The following PDGFD variants were observed in gnomAD, a reference collection of about 807,000 sequenced individuals.
PDGFD encodes the protein platelet-derived growth factor D.
PDGFD carries 30 observed loss-of-function variants against 44.7 expected under a neutral mutation model. The ratio of observed to expected loss-of-function variants is 0.67; its 90% CI spans 0.50 to 0.91. The LOEUF is 0.91. PDGFD is among the 40% of genes least tolerant of loss of function. The probability of loss-of-function intolerance (pLI) is 0.00; values close to 1 mark genes in which losing one functional copy is unlikely to be tolerated. For synonymous variants in PDGFD, 173 were observed against 168.4 expected, an observed-to-expected ratio of 1.03 and a Z score of -0.21; for missense variants, 445 against 457.8, an observed-to-expected ratio of 0.97 and a Z score of 0.25.
intron 1 of PDGFD, among the ~76,000 whole-genome samples, chr11:104,067,065 T>G (rs987447210): frequency 2.0e-5 from 3 of 152,204 alleles, no homozygotes; most frequent in African/African-American, 7.2e-5. Context: ...GTCATTCTTT[T>G]AGTTTTCTCC....
intron 1 of PDGFD, among the ~76,000 whole-genome samples, chr11:104,127,124 A>G (rs979062542): frequency 6.6e-6 from 1 of 152,162 alleles, no homozygotes; most frequent in African/African-American, 2.4e-5. Flanking sequence ...AAACAAAGGT[A>G]GAAAAACATC....
At chr11:103,991,113 T>C (rs55730836) in intron 3 of PDGFD, among the ~76,000 whole-genome samples, 1,716 of 150,846 alleles carry the variant, frequency 0.011, 28 homozygotes, top group African/African-American at 0.04. Flanking sequence ...CACTCCAGCC[T>C]AGGCGACAGA....
chr11:104,098,652 G>T (rs1364034973), intron 1 of PDGFD, among the ~76,000 whole-genome samples: 1 of 151,956 alleles, frequency 6.6e-6, no homozygotes, highest in African/African-American at 2.4e-5. Flanking sequence ...TGGACCACAG[G>T]TATGTGCTGC....
intron 1 of PDGFD, among the ~76,000 whole-genome samples, chr11:104,067,800 A>G (rs1860812799): frequency 6.6e-6 from 1 of 152,120 alleles, no homozygotes; most frequent in Non-Finnish European, 1.5e-5. Flanking sequence ...TTGATCAACT[A>G]AAAGATTCTG....
At chr11:104,037,207 G>A (rs1270231501) in intron 1 of PDGFD, 2 of 1,613,706 alleles carry the variant, frequency 1.2e-6, no homozygotes, top group South Asian at 1.1e-5. Flanking sequence ...ACAGGGCTTG[G>A]CGTCAGGAGA....
intron 1 of PDGFD, among the ~76,000 whole-genome samples, chr11:104,098,281 T>C (rs1195120893): frequency 6.6e-6 from 1 of 152,050 alleles, no homozygotes; most frequent in Non-Finnish European, 1.5e-5. Context: ...CCCCTACCTA[T>C]TTGCTGGGCT....
chr11:103,941,387 AC>A (rs1858581852), intron 5 of PDGFD, among the ~76,000 whole-genome samples: 1 of 152,120 alleles, frequency 6.6e-6, no homozygotes, highest in African/African-American at 2.4e-5. Flanking sequence ...TCCTAACTTT[AC>A]CAGGTTAGGG....
At chr11:103,911,630 T>C (rs192038605) in intron 6 of PDGFD, among the ~76,000 whole-genome samples, 6 of 152,130 alleles carry the variant, frequency 3.9e-5, no homozygotes, top group Admixed American at 3.9e-4. Flanking sequence ...AGAATGAGTT[T>C]GAGGAATTGA....
intron 6 of PDGFD, among the ~76,000 whole-genome samples, chr11:103,911,204 G>A (rs1001412564): frequency 2.6e-5 from 4 of 152,130 alleles, no homozygotes; most frequent in Admixed American, 6.5e-5. Flanking sequence ...AGAGAGCAGC[G>A]GATCTCCCAG....
intron 1 of PDGFD, among the ~76,000 whole-genome samples, chr11:104,062,495 T>C (rs913357952): frequency 1.3e-5 from 2 of 152,362 alleles, no homozygotes; most frequent in African/African-American, 4.8e-5. Context: ...AGTTTTGAAT[T>C]ACAAGTTTTT....
chr11:104,119,197 T>TATATTA (rs1565340655), intron 1 of PDGFD, among the ~76,000 whole-genome samples: 75 of 6,598 alleles, frequency 0.011, 13 homozygotes, highest in Admixed American at 0.021. Context: ...ATTGATATAA[T>TATATTA]ATATAATATA....
chr11:103,949,772 T>G (rs961977914), intron 3 of PDGFD, among the ~76,000 whole-genome samples: 3 of 152,290 alleles, frequency 2.0e-5, no homozygotes, highest in African/African-American at 7.2e-5. Flanking sequence ...CTACTCAGCA[T>G]GCCATGGAAG....
At chr11:103,917,565 T>C (rs1323116800) in intron 6 of PDGFD, among the ~76,000 whole-genome samples, 1 of 152,232 alleles carries the variant, frequency 6.6e-6, no homozygotes, top group Non-Finnish European at 1.5e-5. Flanking sequence ...TATAGCATTT[T>C]ACAGTTTTTG....
intron 1 of PDGFD, among the ~76,000 whole-genome samples, chr11:104,116,508 G>A (rs1457321330): frequency 1.3e-5 from 2 of 150,900 alleles, no homozygotes; most frequent in Non-Finnish European, 3.0e-5. Flanking sequence ...GACAGAGAAA[G>A]AGGAAATCCT....
At chr11:104,031,337 A>C (rs1020121564) in intron 1 of PDGFD, among the ~76,000 whole-genome samples, 1 of 152,244 alleles carries the variant, frequency 6.6e-6, no homozygotes, top group Non-Finnish European at 1.5e-5. Flanking sequence ...AAAGGACATG[A>C]ACAGACACTT....
rs980274119 is a variant in PDGFD at position 104,032,695 on chromosome 11, A to C, written c.125-32440T>G. The stretch of plus-strand genomic sequence containing the variant: ...ATTTTTAGAAAGAGGCAAATTACAA[A>C]AGGTATTGTGGATTTATTAAAAAAA... On this transcript the variant is annotated intron_variant, in intron 1 of 6. Coordinates refer to ENST00000393158, the MANE Select transcript of PDGFD (RefSeq NM_025208.5). Among the ~76,000 whole-genome samples, 5 of 151,846 alleles carry C rather than the reference A, an allele frequency of 3.3e-5. No homozygotes were observed. In the East Asian group the frequency reaches 9.7e-4, roughly 29 times the overall value.
chr11:104,143,871 A>G (rs1470321191), intron 1 of PDGFD, among the ~76,000 whole-genome samples: 3 of 152,234 alleles, frequency 2.0e-5, no homozygotes, highest in Admixed American at 1.3e-4. Flanking sequence ...AACGCAGTTA[A>G]GATTATTTAA....
chr11:104,115,271 A>G, intron 1 of PDGFD, among the ~76,000 whole-genome samples: 1 of 148,318 alleles, frequency 6.7e-6, no homozygotes, highest in Non-Finnish European at 1.5e-5. Context: ...ATATATATAT[A>G]TGTATGTATA....
chr11:104,112,638 T>C (rs973572576), intron 1 of PDGFD, among the ~76,000 whole-genome samples: 15 of 152,180 alleles, frequency 9.9e-5, no homozygotes, highest in African/African-American at 2.6e-4. Context: ...CCATCGATGA[T>C]AGACTGCATA....
Sources: gnomAD v4.1 joint callset for allele counts (sites outside exome capture counted in the v4.1 genomes callset) on GRCh38, gnomAD v4.1.1 for gene constraint, MANE v1.5 for transcripts, NCBI Gene and HGNC (gene_info 2026-07-23, HGNC 2026-07-21) for gene names.